The following PLPPR5 variants were observed in gnomAD, a reference collection of about 807,000 sequenced individuals.
PLPPR5 encodes phospholipid phosphatase related 5, also known as phospholipid phosphatase-related protein type 5.
In PLPPR5, 16 loss-of-function variants were observed where a neutral mutation model predicts 33.9. The observed-to-expected ratio is 0.47, with a 90% confidence interval of 0.32 to 0.72. PLPPR5 has a LOEUF of 0.72. Among genes scored for constraint, PLPPR5 ranks in the 30% least tolerant of loss-of-function variants. The probability of loss-of-function intolerance (pLI) is 0.03; values close to 1 mark genes in which losing one functional copy is unlikely to be tolerated. For missense variants in PLPPR5, 301 were observed against 406.7 expected (o/e 0.74, Z 2.23); for synonymous variants, 163 against 150.3 (o/e 1.08, Z -0.62).
Position 98,892,968 on chromosome 1 carries a change from A to T in PLPPR5, c.*104T>A. On this transcript the variant is annotated 3_prime_UTR_variant, in exon 6 of 6. Coordinates refer to ENST00000263177, the MANE Select transcript of PLPPR5 (RefSeq NM_001037317.2). The stretch of plus-strand genomic sequence containing the variant: ...ATTTTAAAATTATAAAAATTATTAA[A>T]CAACTTTATAAACTTCACTTGCAAT... 8.9e-7 allele frequency: 1 copy of T among 1,120,662 alleles called. No homozygotes were observed. The highest frequency in any genetic ancestry group is 1.3e-6 in the Non-Finnish European group (1 of 765,968). The allele number at this position is 1,120,662 out of a possible 1,614,324, so 69.4% of individuals were successfully genotyped here.
intron 3 of PLPPR5, among the ~76,000 whole-genome samples, chr1:98,932,251 GGGTTAAATA>G (rs1369192078): frequency 1.3e-5 from 2 of 152,170 alleles, no homozygotes; most frequent in African/African-American, 4.8e-5. Context: ...AGTACAACAT[GGGTTAAATA>G]GGCTTTTGAA....
chr1:98,980,274 T>A (rs1235199127), intron 1 of PLPPR5, among the ~76,000 whole-genome samples: 1 of 152,226 alleles, frequency 6.6e-6, no homozygotes, highest in Non-Finnish European at 1.5e-5. Context: ...CATGACTGCT[T>A]TTACCTGCTT....
intron 2 of PLPPR5, 23 bp downstream of exon 2, chr1:98,956,586 A>T: frequency 6.4e-7 from 1 of 1,551,674 alleles, no homozygotes; most frequent in South Asian, 1.3e-5. Flanking sequence ...AGAAATATTA[A>T]AAATAATTTA....
chr1:98,952,981 CTT>C lies in PLPPR5; in HGVS notation c.621+87_621+88del, dbSNP rs1650843388. 5 of 1,488,178 alleles carry C rather than the reference CTT, an allele frequency of 3.4e-6. No homozygotes were observed. In the South Asian group the frequency reaches 5.0e-5, roughly 15 times the overall value. 92.2% of individuals were successfully genotyped at this position (1,488,178 alleles called of 1,614,324 possible). On this transcript the variant is annotated intron_variant, in intron 3 of 5. Transcript: ENST00000263177. Reference sequence around the variant, plus strand: ...AAAGATATGAATGTGCTTTAAGTGACTTTCATTATGGCAGAGAAAAAGAATTT... The same window carrying C: ...AAAGATATGAATGTGCTTTAAGTGACTCATTATGGCAGAGAAAAAGAATTT...
chr1:98,921,469 C>A (rs552412159), intron 4 of PLPPR5, among the ~76,000 whole-genome samples: 2 of 152,224 alleles, frequency 1.3e-5, no homozygotes, highest in East Asian at 3.9e-4. Context: ...CCTGAGGAAT[C>A]TTTAAAAAAT....
chr1:98,981,315 G>A (rs1249551693), intron 1 of PLPPR5, among the ~76,000 whole-genome samples: 2 of 151,998 alleles, frequency 1.3e-5, no homozygotes, highest in African/African-American at 4.8e-5. Flanking sequence ...TGACTCAACA[G>A]CTTTATGTTC....
chr1:98,974,676 T>C (rs1282781037), intron 1 of PLPPR5, among the ~76,000 whole-genome samples: 6 of 152,080 alleles, frequency 3.9e-5, no homozygotes, highest in Admixed American at 6.6e-5. Context: ...GAGAAAGTTA[T>C]AGAGCTATAA....
chr1:98,958,957 T>A (rs1316292752), intron 1 of PLPPR5, among the ~76,000 whole-genome samples: 1 of 152,140 alleles, frequency 6.6e-6, no homozygotes, highest in East Asian at 1.9e-4. Context: ...CATGGTACAC[T>A]GCACCCCAAC....
At chr1:98,957,519 T>G (rs1348447279) in intron 1 of PLPPR5, among the ~76,000 whole-genome samples, 1 of 152,064 alleles carries the variant, frequency 6.6e-6, no homozygotes, top group East Asian at 1.9e-4. Flanking sequence ...TATTTAATTT[T>G]GACTCTGCTA....
chr1:98,897,471 T>A (rs943699842), intron 5 of PLPPR5, among the ~76,000 whole-genome samples: 2 of 152,204 alleles, frequency 1.3e-5, no homozygotes, highest in African/African-American at 4.8e-5. Flanking sequence ...TTATTTAAAG[T>A]TCCATGTTCT....
intron 1 of PLPPR5, among the ~76,000 whole-genome samples, chr1:98,990,167 G>A (rs1652401841): frequency 6.6e-6 from 1 of 152,066 alleles, no homozygotes; most frequent in Admixed American, 6.6e-5. Flanking sequence ...TCAGGAGTTT[G>A]AGACCAGCCT....
Position 98,892,966 on chromosome 1 carries a change from A to G in PLPPR5, c.*106T>C. On this transcript the variant is annotated 3_prime_UTR_variant, in exon 6 of 6. Transcript: ENST00000263177. Reference sequence around the variant, plus strand: ...TGATTTTAAAATTATAAAAATTATTAAACAACTTTATAAACTTCACTTGCA... The same window carrying G: ...TGATTTTAAAATTATAAAAATTATTGAACAACTTTATAAACTTCACTTGCA... 1 of 1,106,498 alleles carries G rather than the reference A, an allele frequency of 9.0e-7. No individual in the cohort carries two copies. Among genetic ancestry groups the G allele is most frequent in the East Asian group, 2.6e-5 (1 of 39,114 alleles). The allele number at this position is 1,106,498 out of a possible 1,614,324, so 68.5% of individuals were successfully genotyped here.
intron 4 of PLPPR5, 22 bp downstream of exon 4, chr1:98,921,860 A>G (rs778175474): frequency 1.3e-6 from 2 of 1,580,970 alleles, no homozygotes; most frequent in Non-Finnish European, 1.7e-6. Context: ...ACCCAATGAT[A>G]TATAAATAAA....
chr1:98,933,528 A>G (rs1650061851), intron 3 of PLPPR5, among the ~76,000 whole-genome samples: 1 of 151,536 alleles, frequency 6.6e-6, no homozygotes, highest in African/African-American at 2.4e-5. Flanking sequence ...ATAAAGGATT[A>G]TGAAACTGAG....
intron 3 of PLPPR5, among the ~76,000 whole-genome samples, chr1:98,947,640 G>A (rs542852610): frequency 6.6e-5 from 10 of 152,260 alleles, no homozygotes; most frequent in African/African-American, 2.2e-4. Context: ...AGTAGTGTGG[G>A]GAAAGGGAGA....
intron 1 of PLPPR5, among the ~76,000 whole-genome samples, chr1:98,963,078 A>G (rs1322377896): frequency 2.0e-5 from 3 of 152,214 alleles, no homozygotes; most frequent in Admixed American, 1.3e-4. Flanking sequence ...CATAGCCTTC[A>G]GACACTCTGT....
chr1:98,935,297 G>A (rs1416927241), intron 3 of PLPPR5, among the ~76,000 whole-genome samples: 3 of 152,126 alleles, frequency 2.0e-5, no homozygotes, highest in African/African-American at 7.2e-5. Context: ...ATTATATAAA[G>A]AATGAATAAT....
In PLPPR5 at chr1:98,904,307, A is replaced by G. The variant is rs571129361; in HGVS notation, c.933+10479T>C. 7.2e-5 allele frequency among the ~76,000 whole-genome samples: 10 copies of G among 138,248 alleles called. No individual in the cohort carries two copies. In the East Asian group the frequency reaches 1.9e-3, roughly 27 times the overall value. The allele number at this position is 138,248 out of a possible 152,430, so 90.7% of individuals were successfully genotyped here. ...GCAAGAGAGAATTCCCTTTGGTTCA[A>G]TTGATTAGGAGCACATCAACCTAAG... On this transcript the variant is annotated intron_variant, in intron 5 of 5. Transcript: ENST00000263177.
At chr1:98,907,447 G>GCCTC (rs1391351482) in intron 5 of PLPPR5, among the ~76,000 whole-genome samples, 1 of 152,114 alleles carries the variant, frequency 6.6e-6, no homozygotes, top group East Asian at 1.9e-4. Context: ...ACCTGCCTTG[G>GCCTC]CCTCCCAAAG....
Sources: allele counts gnomAD v4.1 joint callset (sites outside exome capture counted in the v4.1 genomes callset), GRCh38; gene constraint gnomAD v4.1.1; transcripts MANE v1.5; gene names NCBI Gene and HGNC (gene_info 2026-07-23, HGNC 2026-07-21).